Variants in RUSC2 observed in about 807,000 individuals in gnomAD.
RUSC2 encodes the protein AP-4 complex accessory subunit RUSC2.
Under a neutral mutation model 122.2 loss-of-function variants are expected in RUSC2, and 34 were observed. The ratio of observed to expected loss-of-function variants is 0.28; its 90% CI spans 0.21 to 0.37. The LOEUF is 0.37. RUSC2 is among the 10% of genes least tolerant of loss of function. The pLI is 1.00. For missense variants in RUSC2, 1,747 were observed against 1,952.4 expected, an observed-to-expected ratio of 0.89 and a Z score of 1.98; for synonymous variants, 784 against 790.0, an observed-to-expected ratio of 0.99 and a Z score of 0.13.
intron 1 of RUSC2, among the ~76,000 whole-genome samples, chr9:35,531,300 G>A (rs1429795522): frequency 6.6e-6 from 1 of 152,122 alleles, no homozygotes; most frequent in Non-Finnish European, 1.5e-5. Context: ...AGGCAGCAGG[G>A]AGCCACTGAA....
At chr9:35,525,962 C>A (rs1156894163) in intron 1 of RUSC2, among the ~76,000 whole-genome samples, 1 of 152,124 alleles carries the variant, frequency 6.6e-6, no homozygotes, top group East Asian at 1.9e-4. Flanking sequence ...CGTGATGGCA[C>A]GTGCCTGTAG....
chr9:35,491,155 T>G (rs1399918674), intron 1 of RUSC2, among the ~76,000 whole-genome samples: 1 of 152,008 alleles, frequency 6.6e-6, no homozygotes, highest in Non-Finnish European at 1.5e-5. Flanking sequence ...CTGTTTTTAT[T>G]TATTCCTAGG....
intron 1 of RUSC2, among the ~76,000 whole-genome samples, chr9:35,504,474 T>TC (rs1354294873): frequency 6.6e-6 from 1 of 151,656 alleles, no homozygotes. Flanking sequence ...TTTTTCTTTT[T>TC]TTTTTTTTGA....
At position 35,548,790 on chromosome 9, in the gene RUSC2, G is replaced by A. The variant is rs1821828582; in HGVS notation, c.2014+255G>A. Reference sequence around the variant, plus strand: ...CACACCTGTGATCCCAGCCCTTTGGGAGGCCAAGCCAGGCGAATCACTTGA... The same window carrying A: ...CACACCTGTGATCCCAGCCCTTTGGAAGGCCAAGCCAGGCGAATCACTTGA... On this transcript the variant is annotated intron_variant, in intron 2 of 11. Coordinates refer to ENST00000361226, the MANE Select transcript of RUSC2 (RefSeq NM_014806.5). The surrounding 1 kb of genome is among the most constrained non-coding windows in gnomAD (Gnocchi z 4.5). 2 of 968,896 alleles carry A rather than the reference G, an allele frequency of 2.1e-6. No homozygotes were observed. Among genetic ancestry groups the A allele is most frequent in the South Asian group, 4.8e-5 (1 of 20,962 alleles). 60.0% of individuals were successfully genotyped at this position (968,896 alleles called of 1,614,324 possible).
At chr9:35,506,443 A>C (rs757097358) in intron 1 of RUSC2, among the ~76,000 whole-genome samples, 2 of 152,186 alleles carry the variant, frequency 1.3e-5, no homozygotes. Context: ...ATTTTCCACT[A>C]TGCATTTCTG....
chr9:35,547,111 C>A lies in RUSC2; in HGVS notation c.590C>A (p.Ala197Glu). ...CACTGCTGCCGGCCAGAGCTGGAAG[C>A]AGAGACTATGGAGCTGGATGAGTGT... ...TSHCCRPELEAETMELDECGG... is the reference protein window; with the variant it reads ...TSHCCRPELEEETMELDECGG... The change falls in exon 2 of 12, where the codon GCA (alanine) becomes GAA (glutamate). Residue 197 changes from alanine (A) to glutamate (E), a missense_variant. Physicochemically the swap from Ala to Glu is moderately radical, Grantham distance 107. Transcript: ENST00000361226. This position sits in a 1 kb window ranked among gnomAD's most constrained non-coding sequence, Gnocchi z 4.6. 6.2e-7 allele frequency: 1 copy of A among 1,614,154 alleles called. No individual in the cohort carries two copies. The highest frequency in any genetic ancestry group is 8.5e-7 in the Non-Finnish European group (1 of 1,180,010).
chr9:35,499,111 A>T (rs1820773768), intron 1 of RUSC2, among the ~76,000 whole-genome samples: 1 of 151,980 alleles, frequency 6.6e-6, no homozygotes, highest in Non-Finnish European at 1.5e-5. Flanking sequence ...ACATGGTAAA[A>T]GCCCAGCTCT....
At chr9:35,556,206 G>A in intron 4 of RUSC2, 69 bp downstream of exon 4, 2 of 1,599,348 alleles carry the variant, frequency 1.3e-6, no homozygotes, top group South Asian at 1.1e-5. Flanking sequence ...TAGAGAAGGG[G>A]TCAGTCCCAA....
chr9:35,506,952 C>CA (rs999604803), intron 1 of RUSC2, among the ~76,000 whole-genome samples: 3 of 151,690 alleles, frequency 2.0e-5, no homozygotes, highest in Non-Finnish European at 4.4e-5. Flanking sequence ...CTCGTCTCTA[C>CA]AAAAAAAATT....
chr9:35,534,606 C>T (rs4397498), intron 1 of RUSC2, among the ~76,000 whole-genome samples: 93,877 of 152,020 alleles, frequency 0.62, 30,526 homozygotes, highest in Non-Finnish European at 0.72. Context: ...CTTAGCCTCC[C>T]GAGTAGCTGG....
intron 1 of RUSC2, among the ~76,000 whole-genome samples, chr9:35,545,876 G>A (rs143060280): frequency 5.3e-5 from 8 of 152,306 alleles, no homozygotes; most frequent in African/African-American, 1.9e-4. Flanking sequence ...CTTGTAGGAC[G>A]AGAAAGGGGA....
chr9:35,542,803 C>T (rs1821667940), intron 1 of RUSC2, among the ~76,000 whole-genome samples: 1 of 152,206 alleles, frequency 6.6e-6, no homozygotes, highest in Non-Finnish European at 1.5e-5. Flanking sequence ...ATGTGTTCTT[C>T]ATCTCTGATT....
At chr9:35,509,957 C>T (rs1820983829) in intron 1 of RUSC2, among the ~76,000 whole-genome samples, 1 of 152,160 alleles carries the variant, frequency 6.6e-6, no homozygotes, top group African/African-American at 2.4e-5. Flanking sequence ...CTATACCTAC[C>T]TTTTCTTAGC....
intron 1 of RUSC2, among the ~76,000 whole-genome samples, chr9:35,501,606 T>G (rs2132494597): frequency 6.6e-6 from 1 of 152,296 alleles, no homozygotes; most frequent in Admixed American, 6.5e-5. Context: ...CAGATATTTC[T>G]TCTACTGAGT....
rs556511063 is a variant in RUSC2, at chr9:35,556,753, G to A, written c.2983+305G>A. Among the ~76,000 whole-genome samples the A allele has an allele frequency of 1.9e-3, 292 of 152,330 alleles. 2 individuals carry two copies. Among genetic ancestry groups the A allele is most frequent in the Middle Eastern group, 0.014 (4 of 294 alleles). On this transcript the variant is annotated intron_variant, in intron 5 of 11. Coordinates refer to ENST00000361226, the MANE Select transcript of RUSC2 (RefSeq NM_014806.5). Reference sequence around the variant, plus strand: ...GAGGCAGGAGAATTACTTGAACCCAGGAGGTGGAGGTTGCAGTGAGCCAAG... The same window carrying A: ...GAGGCAGGAGAATTACTTGAACCCAAGAGGTGGAGGTTGCAGTGAGCCAAG...
rs141687573 is a variant in RUSC2, at chr9:35,540,473, G to A, written c.-92-5957G>A. On this transcript the variant is annotated intron_variant, in intron 1 of 11. Transcript: ENST00000361226. ...TAGTGCCATGTTGTGCAACTATATG[G>A]TTAAGGAATATGCTGGATAGTTATG... Among the ~76,000 whole-genome samples the A allele has an allele frequency of 3.3e-5, 5 of 152,304 alleles. No individual in the cohort carries two copies. In the East Asian group the frequency reaches 9.6e-4, roughly 29 times the overall value.
chr9:35,494,150 TTTC>T (rs969249215), intron 1 of RUSC2, among the ~76,000 whole-genome samples: 25 of 152,148 alleles, frequency 1.6e-4, no homozygotes, highest in South Asian at 6.2e-4. Flanking sequence ...CAACACTTGT[TTTC>T]TTTTTTTTTT....
chr9:35,550,038 C>T (rs2082171), intron 2 of RUSC2, among the ~76,000 whole-genome samples: 96,385 of 151,132 alleles, frequency 0.64, 31,682 homozygotes, highest in Non-Finnish European at 0.72. Context: ...ATGGTAAAAC[C>T]CCATCTCTAC....
intron 1 of RUSC2, among the ~76,000 whole-genome samples, chr9:35,536,552 C>T (rs970785392): frequency 2.0e-5 from 3 of 152,176 alleles, no homozygotes; most frequent in Non-Finnish European, 2.9e-5. Flanking sequence ...GTGGCTCACA[C>T]CTGTAATCCC....
Sources: gnomAD v4.1 joint callset for allele counts (sites outside exome capture counted in the v4.1 genomes callset) on GRCh38, gnomAD v4.1.1 for gene constraint, Gnocchi (gnomAD v3.1) non-coding constraint, MANE v1.5 for transcripts, NCBI Gene and HGNC (gene_info 2026-07-23, HGNC 2026-07-21) for gene names.